CACNB4: variants seen among roughly 807,000 people sequenced by gnomAD.
CACNB4 encodes calcium voltage-gated channel auxiliary subunit beta 4.
CACNB4 carries 32 observed loss-of-function variants against 71.2 expected under a neutral mutation model. The ratio of observed to expected loss-of-function variants is 0.45; its 90% CI spans 0.34 to 0.60. The LOEUF (loss-of-function observed/expected upper bound fraction) is 0.60. Among genes scored for constraint, CACNB4 ranks in the 20% least tolerant of loss-of-function variants. CACNB4 has a pLI of 0.01. For missense variants in CACNB4, 464 were observed against 647.9 expected (o/e 0.72, Z 3.08); for synonymous variants, 231 against 236.9 (o/e 0.97, Z 0.23).
intron 2 of CACNB4, among the ~76,000 whole-genome samples, chr2:151,979,283 C>T (rs1160394928): frequency 1.3e-5 from 2 of 152,068 alleles, no homozygotes; most frequent in East Asian, 3.9e-4. Flanking sequence ...TGGACTAGCT[C>T]CCCTCCTCCC....
intron 2 of CACNB4, among the ~76,000 whole-genome samples, chr2:152,090,970 GGA>G (rs1322303070): frequency 2.0e-5 from 3 of 151,832 alleles, no homozygotes. Context: ...CTTGAACCTG[GGA>G]GGGAGAGATT....
At chr2:152,071,153 T>G (rs896693500) in intron 2 of CACNB4, among the ~76,000 whole-genome samples, 4 of 152,264 alleles carry the variant, frequency 2.6e-5, no homozygotes, top group Admixed American at 2.6e-4. Flanking sequence ...GCTGTATACT[T>G]AATAACTGTT....
At chr2:151,940,344 C>T (rs1399849208) in intron 2 of CACNB4, among the ~76,000 whole-genome samples, 1 of 152,098 alleles carries the variant, frequency 6.6e-6, no homozygotes, top group African/African-American at 2.4e-5. Flanking sequence ...AGGATTTATA[C>T]AGAAAATGGG....
intron 2 of CACNB4, among the ~76,000 whole-genome samples, chr2:151,920,318 C>T (rs113956388): frequency 0.024 from 1,557 of 66,000 alleles, 60 homozygotes; most frequent in African/African-American, 0.09. Flanking sequence ...TCTTCTTCTT[C>T]TTTTTTTTTT....
intron 2 of CACNB4, among the ~76,000 whole-genome samples, chr2:152,055,407 T>C (rs1450570634): frequency 6.6e-6 from 1 of 152,232 alleles, no homozygotes; most frequent in East Asian, 1.9e-4. Flanking sequence ...TTACTTGTGC[T>C]TCAGTGCCAT....
Position 151,966,813 on chromosome 2 carries a change from A to G in CACNB4, c.148-83443T>C, listed in dbSNP as rs1428449523. ...ATTTAGTTACTGAAACTGTAAGTAT[A>G]TTCATTATATGTATAACAATAATGG... On this transcript the variant is annotated intron_variant, in intron 2 of 13. Coordinates refer to ENST00000539935, the MANE Select transcript of CACNB4 (RefSeq NM_000726.5). Among the ~76,000 whole-genome samples the G allele has an allele frequency of 3.2e-4, 48 of 152,164 alleles. 1 individual carries two copies.
chr2:152,026,966 G>A (rs1374216230), intron 2 of CACNB4, among the ~76,000 whole-genome samples: 1 of 151,758 alleles, frequency 6.6e-6, no homozygotes, highest in African/African-American at 2.4e-5. Context: ...GAGTGCAGTG[G>A]TGTAATCTCA....
At chr2:152,078,947 C>T (rs935856585) in intron 2 of CACNB4, among the ~76,000 whole-genome samples, 4 of 152,220 alleles carry the variant, frequency 2.6e-5, no homozygotes, top group Non-Finnish European at 4.4e-5. Context: ...CACCATGTCT[C>T]TCACACCCTC....
At chr2:152,091,153 T>C (rs1052799258) in intron 2 of CACNB4, among the ~76,000 whole-genome samples, 1 of 152,200 alleles carries the variant, frequency 6.6e-6, no homozygotes, top group Non-Finnish European at 1.5e-5. Flanking sequence ...TTAGATTTCT[T>C]TCTTCATAAG....
intron 2 of CACNB4, chr2:151,974,047 A>T (rs2099873309): frequency 1.0e-6 from 1 of 969,436 alleles, no homozygotes. Flanking sequence ...GTTCCCTCGG[A>T]GAGTGGAGGG....
intron 4 of CACNB4, among the ~76,000 whole-genome samples, chr2:151,877,040 T>G (rs1259946597): frequency 6.8e-6 from 1 of 147,668 alleles, no homozygotes; most frequent in Non-Finnish European, 1.5e-5. Context: ...TATATAGATC[T>G]ATATATACAC....
chr2:151,895,097 C>CCCCCCA (rs2099851693), intron 2 of CACNB4, among the ~76,000 whole-genome samples: 1 of 18,486 alleles, frequency 5.4e-5, no homozygotes, highest in Non-Finnish European at 9.0e-5. Context: ...CAAATAGCCC[C>CCCCCCA]ACACACACAC....
chr2:152,011,976 A>T (rs1683080091), intron 2 of CACNB4, among the ~76,000 whole-genome samples: 1 of 152,222 alleles, frequency 6.6e-6, no homozygotes, highest in African/African-American at 2.4e-5. Flanking sequence ...GTCATATAAA[A>T]GTATAGCACA....
intron 2 of CACNB4, among the ~76,000 whole-genome samples, chr2:152,091,859 A>G (rs974463519): frequency 6.6e-6 from 1 of 152,230 alleles, no homozygotes; most frequent in African/African-American, 2.4e-5. Context: ...AAGCTAACCA[A>G]GCAAACAAAA....
chr2:152,028,560 A>G lies in CACNB4; in HGVS notation c.147+69770T>C, dbSNP rs1204017265. ...TCATGTTATCACAATGATTATATATAACCATATCATTTAAATTTGTCTTTC... is the reference window on the plus strand; with the variant it reads ...TCATGTTATCACAATGATTATATATGACCATATCATTTAAATTTGTCTTTC... On this transcript the variant is annotated intron_variant, in intron 2 of 13. Transcript: ENST00000539935. Among the ~76,000 whole-genome samples, 3 of 152,240 alleles carry G rather than the reference A, an allele frequency of 2.0e-5. No individual in the cohort carries two copies. In the East Asian group the frequency reaches 5.8e-4, roughly 29 times the overall value.
chr2:151,961,568 C>T (rs1192087488), intron 2 of CACNB4, among the ~76,000 whole-genome samples: 2 of 152,174 alleles, frequency 1.3e-5, no homozygotes, highest in African/African-American at 4.8e-5. Flanking sequence ...CCTTCAGAGC[C>T]TCACCAGCAT....
rs3754533 is a variant in CACNB4, at chr2:151,840,949, G to T, written c.1302+954C>A. Among the ~76,000 whole-genome samples the T allele has an allele frequency of 5.9e-3, 902 of 152,258 alleles. 32 individuals are homozygous for T. The East Asian group carries it at 0.11, about 19-fold the overall frequency. On this transcript the variant is annotated intron_variant, in intron 13 of 13. Coordinates refer to ENST00000539935, the MANE Select transcript of CACNB4 (RefSeq NM_000726.5). ...AGGCAGGCTCATTTTGTACCATAAG[G>T]TCTCTGGTTCCCTATCTCTACCTCT...
At chr2:152,045,790 C>A (rs1685116548) in intron 2 of CACNB4, among the ~76,000 whole-genome samples, 1 of 152,076 alleles carries the variant, frequency 6.6e-6, no homozygotes, top group Non-Finnish European at 1.5e-5. Flanking sequence ...GTGCATCCCG[C>A]AGCTCTAAAT....
At chr2:151,895,099 CA>C (rs1559950794) in intron 2 of CACNB4, among the ~76,000 whole-genome samples, 6,647 of 19,124 alleles carry the variant, frequency 0.35, 431 homozygotes, top group Non-Finnish European at 0.4. Context: ...AATAGCCCCA[CA>C]CACACACACA....
Sources: allele counts gnomAD v4.1 joint callset (sites outside exome capture counted in the v4.1 genomes callset), GRCh38; gene constraint gnomAD v4.1.1; transcripts MANE v1.5; gene names NCBI Gene and HGNC (gene_info 2026-07-23, HGNC 2026-07-21).